The following STT3B variants were observed in gnomAD, a reference collection of about 807,000 sequenced individuals.
STT3B encodes the protein STT3 oligosaccharyltransferase complex catalytic subunit B, also known as dolichyl-diphosphooligosaccharide--protein glycosyltransferase subunit STT3B.
STT3B carries 29 observed loss-of-function variants against 96.8 expected under a neutral mutation model. The ratio of observed to expected loss-of-function variants is 0.30; its 90% CI spans 0.22 to 0.41. The LOEUF (loss-of-function observed/expected upper bound fraction) is 0.41, where lower values mean the gene tolerates loss of function less well. Ranked by LOEUF, STT3B falls within the 10% of genes least tolerant of loss-of-function variation. The pLI, the probability that STT3B is intolerant of heterozygous loss-of-function variation, is 1.00. For synonymous variants in STT3B, 367 were observed against 360.0 expected (o/e 1.02, Z -0.22); for missense variants, 640 against 1,022.3 (o/e 0.63, Z 5.10).
intron 3 of STT3B, among the ~76,000 whole-genome samples, chr3:31,588,434 A>C (rs1698594472): frequency 6.6e-6 from 1 of 152,092 alleles, no homozygotes; most frequent in Admixed American, 6.6e-5. Flanking sequence ...TAATTCCCTA[A>C]GCCTAATCCA....
At chr3:31,559,143 T>TG (rs202088544) in intron 1 of STT3B, among the ~76,000 whole-genome samples, 94 of 103,646 alleles carry the variant, frequency 9.1e-4, no homozygotes, top group African/African-American at 3.5e-3. Context: ...CATTGATTCT[T>TG]GGGGTGTGTG....
At chr3:31,634,112 A>C in intron 15 of STT3B, among the ~76,000 whole-genome samples, 1 of 152,204 alleles carries the variant, frequency 6.6e-6, no homozygotes. Context: ...GTAAATTACC[A>C]TGTCTAGACT....
At chr3:31,544,739 G>T (rs1169195786) in intron 1 of STT3B, among the ~76,000 whole-genome samples, 5 of 152,170 alleles carry the variant, frequency 3.3e-5, no homozygotes, top group African/African-American at 1.2e-4. Flanking sequence ...GAGATAGGCG[G>T]ATCATGAGGT....
intron 3 of STT3B, among the ~76,000 whole-genome samples, chr3:31,583,357 G>A (rs1205668047): frequency 6.6e-6 from 1 of 151,606 alleles, no homozygotes; most frequent in Non-Finnish European, 1.5e-5. Flanking sequence ...ATTTTGTAGA[G>A]ATGAGGTTTC....
Position 31,635,898 on chromosome 3 carries a change from A to G in STT3B, c.2401-86A>G, listed in dbSNP as rs556679270. 2.3e-5 allele frequency: 21 copies of G among 908,744 alleles called. No individual in the cohort carries two copies. In the East Asian group the frequency reaches 5.2e-4, roughly 22 times the overall value. 56.3% of individuals were successfully genotyped at this position (908,744 alleles called of 1,614,324 possible). On this transcript the variant is annotated intron_variant, in intron 15 of 15. Transcript: ENST00000295770. Reference sequence around the variant, plus strand: ...AGAGCAGAGAGCTTACTAAGTCATCATAGTTCAGTAAACCATGTGTGTGTT... The same window carrying G: ...AGAGCAGAGAGCTTACTAAGTCATCGTAGTTCAGTAAACCATGTGTGTGTT...
At chr3:31,588,759 G>T (rs1292349605) in intron 3 of STT3B, among the ~76,000 whole-genome samples, 1 of 151,822 alleles carries the variant, frequency 6.6e-6, no homozygotes, top group Admixed American at 6.6e-5. Context: ...AGCATTATTT[G>T]TTAAAAAAAT....
intron 9 of STT3B, among the ~76,000 whole-genome samples, chr3:31,621,639 T>C (rs780293444): frequency 9.2e-5 from 14 of 152,238 alleles, no homozygotes; most frequent in Non-Finnish European, 2.1e-4. Flanking sequence ...CTTTGCAGGT[T>C]CCTCCTTTGA....
intron 3 of STT3B, among the ~76,000 whole-genome samples, chr3:31,590,778 T>C (rs1044505464): frequency 6.6e-6 from 1 of 152,098 alleles, no homozygotes; most frequent in African/African-American, 2.4e-5. Context: ...CATAAACATA[T>C]ACTGTCTTTG....
At chr3:31,614,181 C>T (rs887249245) in intron 5 of STT3B, among the ~76,000 whole-genome samples, 7 of 151,914 alleles carry the variant, frequency 4.6e-5, no homozygotes, top group Non-Finnish European at 1.5e-5. Flanking sequence ...ACGTGTATTC[C>T]TAAATATACC....
intron 15 of STT3B, among the ~76,000 whole-genome samples, chr3:31,633,501 A>G (rs538521885): frequency 3.9e-5 from 6 of 152,310 alleles, no homozygotes; most frequent in African/African-American, 1.2e-4. Flanking sequence ...TTTATATTGC[A>G]TCTTCATGTT....
At chr3:31,560,594 A>G (rs1029671061) in intron 1 of STT3B, among the ~76,000 whole-genome samples, 1 of 151,928 alleles carries the variant, frequency 6.6e-6, no homozygotes, top group African/African-American at 2.4e-5. Context: ...TTCCTGGCCT[A>G]TAAGTTTCTG....
intron 5 of STT3B, among the ~76,000 whole-genome samples, chr3:31,601,780 T>G (rs191099703): frequency 2.2e-3 from 333 of 152,324 alleles, no homozygotes; most frequent in Non-Finnish European, 3.1e-3. Context: ...TAATTGTATC[T>G]CAACAAAATA....
At chr3:31,630,612 C>T (rs1699634163) in intron 14 of STT3B, among the ~76,000 whole-genome samples, 1 of 152,132 alleles carries the variant, frequency 6.6e-6, no homozygotes, top group Non-Finnish European at 1.5e-5. Flanking sequence ...TATCTTCATA[C>T]TATTAGTTTC....
intron 2 of STT3B, 40 bp downstream of exon 2, chr3:31,576,544 T>C: frequency 8.5e-7 from 1 of 1,182,096 alleles, no homozygotes; most frequent in Non-Finnish European, 1.2e-6. Flanking sequence ...TTATAACATT[T>C]ATTGTTACTT....
At chr3:31,549,366 T>C (rs1697495129) in intron 1 of STT3B, among the ~76,000 whole-genome samples, 1 of 152,090 alleles carries the variant, frequency 6.6e-6, no homozygotes, top group Non-Finnish European at 1.5e-5. Context: ...CTAACTTCTA[T>C]GATAGTTAAG....
intron 1 of STT3B, among the ~76,000 whole-genome samples, chr3:31,557,877 G>A (rs994447364): frequency 1.3e-4 from 20 of 152,270 alleles, no homozygotes; most frequent in African/African-American, 3.6e-4. Context: ...TGATCCGCCC[G>A]CCTCAGCCTC....
chr3:31,572,464 A>G (rs1698181622), intron 1 of STT3B, among the ~76,000 whole-genome samples: 1 of 152,186 alleles, frequency 6.6e-6, no homozygotes, highest in South Asian at 2.1e-4. Flanking sequence ...CATTGCAGCT[A>G]TGATCTCTAA....
intron 2 of STT3B, among the ~76,000 whole-genome samples, chr3:31,577,863 A>G (rs1216160670): frequency 6.6e-6 from 1 of 152,130 alleles, no homozygotes; most frequent in Admixed American, 6.6e-5. Context: ...ATTACATTTG[A>G]TAACTATAGT....
chr3:31,577,669 C>G (rs1428094943), intron 2 of STT3B, among the ~76,000 whole-genome samples: 4 of 151,998 alleles, frequency 2.6e-5, no homozygotes, highest in Non-Finnish European at 5.9e-5. Flanking sequence ...TGTTGTGTTT[C>G]TAGTCTGGGG....
Sources: allele counts gnomAD v4.1 joint callset (sites outside exome capture counted in the v4.1 genomes callset), GRCh38; gene constraint gnomAD v4.1.1; transcripts MANE v1.5; gene names NCBI Gene and HGNC (gene_info 2026-07-23, HGNC 2026-07-21).